The following RBFOX1 variants were observed in gnomAD, a reference collection of about 807,000 sequenced individuals.
The protein encoded by RBFOX1 is RNA binding fox-1 homolog 1, also known as RNA binding protein fox-1 homolog 1.
RBFOX1 carries 8 observed loss-of-function variants against 57.7 expected under a neutral mutation model. That is an observed-to-expected ratio of 0.14 (90% CI 0.08 to 0.25). The LOEUF (loss-of-function observed/expected upper bound fraction) is 0.25, where lower values mean the gene tolerates loss of function less well. Among genes scored for constraint, RBFOX1 ranks in the 10% least tolerant of loss-of-function variants. The pLI, the probability that RBFOX1 is intolerant of heterozygous loss-of-function variation, is 1.00. For missense variants in RBFOX1, 611 were observed against 548.5 expected, an observed-to-expected ratio of 1.11 and a Z score of -1.14; for synonymous variants, 326 against 222.4, an observed-to-expected ratio of 1.47 and a Z score of -4.15.
intron 3 of RBFOX1, among the ~76,000 whole-genome samples, chr16:5,772,343 C>T (rs186599431): frequency 1.3e-5 from 2 of 148,836 alleles, no homozygotes; most frequent in Admixed American, 6.6e-5. Flanking sequence ...AACATCTTCC[C>T]ATGTGCTTTT....
intron 3 of RBFOX1, among the ~76,000 whole-genome samples, chr16:6,823,598 T>G (rs1210599905): frequency 2.0e-5 from 3 of 152,180 alleles, no homozygotes; most frequent in Non-Finnish European, 4.4e-5. Flanking sequence ...ATCTTCTTCC[T>G]TCCTTGAATA....
intron 4 of RBFOX1, among the ~76,000 whole-genome samples, chr16:5,958,747 A>T (rs1256193950): frequency 6.6e-6 from 1 of 152,180 alleles, no homozygotes; most frequent in East Asian, 1.9e-4. Context: ...GAGATAATCT[A>T]TTCCTTGCCT....
At chr16:5,251,534 G>T (rs1251769055) in intron 1 of RBFOX1, among the ~76,000 whole-genome samples, 1 of 152,210 alleles carries the variant, frequency 6.6e-6, no homozygotes, top group African/African-American at 2.4e-5. Flanking sequence ...AGAGACTGGG[G>T]CAATGGCAGC....
intron 3 of RBFOX1, among the ~76,000 whole-genome samples, chr16:5,681,928 A>C (rs1197358732): frequency 2.0e-5 from 3 of 152,148 alleles, no homozygotes; most frequent in Non-Finnish European, 2.9e-5. Context: ...CTTGAAGACC[A>C]TTGTAAGCAG....
intron 1 of RBFOX1, among the ~76,000 whole-genome samples, chr16:5,440,767 G>C (rs1006300625): frequency 2.0e-5 from 3 of 152,248 alleles, no homozygotes; most frequent in South Asian, 2.1e-4. Flanking sequence ...AAATTCAAGG[G>C]TAGTTATTTG....
chr16:7,475,610 C>T (rs1234158798), intron 4 of RBFOX1, among the ~76,000 whole-genome samples: 1 of 151,644 alleles, frequency 6.6e-6, no homozygotes, highest in Non-Finnish European at 1.5e-5. Context: ...ACACACCCAG[C>T]TAGGATGGGC....
intron 1 of RBFOX1, among the ~76,000 whole-genome samples, chr16:6,190,213 A>G (rs2097133113): frequency 6.6e-6 from 1 of 152,220 alleles, no homozygotes; most frequent in Non-Finnish European, 1.5e-5. Flanking sequence ...AAATCAATGA[A>G]TGAATGAAGG....
At chr16:5,242,117 GAA>G (rs751888010) in intron 1 of RBFOX1, among the ~76,000 whole-genome samples, 41 of 150,982 alleles carry the variant, frequency 2.7e-4, no homozygotes, top group Non-Finnish European at 5.6e-4. Context: ...CTGTTTCAAG[GAA>G]AAGAGAGAGA....
intron 5 of RBFOX1, among the ~76,000 whole-genome samples, chr16:7,569,541 C>T (rs1017399892): frequency 5.9e-5 from 9 of 152,268 alleles, no homozygotes; most frequent in African/African-American, 2.2e-4. Flanking sequence ...CACAGGTAAT[C>T]CAGGATAATC....
At chr16:7,556,803 A>T (rs2088647857) in intron 5 of RBFOX1, among the ~76,000 whole-genome samples, 1 of 152,228 alleles carries the variant, frequency 6.6e-6, no homozygotes, top group African/African-American at 2.4e-5. Flanking sequence ...GTGCAATGGT[A>T]TGCACTGCTG....
At chr16:5,803,773 C>T (rs777880382) in intron 3 of RBFOX1, among the ~76,000 whole-genome samples, 2 of 152,166 alleles carry the variant, frequency 1.3e-5, no homozygotes, top group Non-Finnish European at 2.9e-5. Flanking sequence ...TCTATTATCT[C>T]ATGCTCTACT....
chr16:5,261,233 C>G (rs1450820728), intron 1 of RBFOX1, among the ~76,000 whole-genome samples: 1 of 152,162 alleles, frequency 6.6e-6, no homozygotes, highest in Non-Finnish European at 1.5e-5. Flanking sequence ...TTAAGGTTGA[C>G]CACCTTTTCT....
intron 4 of RBFOX1, among the ~76,000 whole-genome samples, chr16:7,298,830 G>T (rs200680827): frequency 6.6e-6 from 1 of 152,264 alleles, no homozygotes; most frequent in South Asian, 2.1e-4. Flanking sequence ...CATTTTACAT[G>T]AGGTAGGCTG....
chr16:5,722,120 G>T (rs762807358), intron 3 of RBFOX1, among the ~76,000 whole-genome samples: 2 of 152,188 alleles, frequency 1.3e-5, no homozygotes, highest in Non-Finnish European at 2.9e-5. Flanking sequence ...CTGACATCCT[G>T]TCTTTCCCAC....
intron 4 of RBFOX1, among the ~76,000 whole-genome samples, chr16:7,109,627 C>T (rs567663983): frequency 6.6e-6 from 1 of 152,102 alleles, no homozygotes; most frequent in African/African-American, 2.4e-5. Flanking sequence ...GGGGAAAGGG[C>T]TCTAAGAGTA....
At chr16:7,497,165 A>C (rs1484308654) in intron 4 of RBFOX1, among the ~76,000 whole-genome samples, 1 of 152,204 alleles carries the variant, frequency 6.6e-6, no homozygotes, top group Non-Finnish European at 1.5e-5. Context: ...TAAAGGATCA[A>C]ATACAAACTA....
At chr16:6,761,870 T>G (rs12918703) in intron 3 of RBFOX1, among the ~76,000 whole-genome samples, 55,232 of 151,728 alleles carry the variant, frequency 0.36, 11,892 homozygotes, top group Non-Finnish European at 0.48. Context: ...CATCTCTCAT[T>G]CCAAGCAGGT....
chr16:7,114,738 G>C (rs1030040406), intron 4 of RBFOX1, among the ~76,000 whole-genome samples: 2 of 152,160 alleles, frequency 1.3e-5, no homozygotes, highest in African/African-American at 4.8e-5. Context: ...GTCCTGCTAG[G>C]TGCATGGAAA....
At chr16:6,986,486 A>T (rs1203025178) in intron 3 of RBFOX1, among the ~76,000 whole-genome samples, 1 of 152,150 alleles carries the variant, frequency 6.6e-6, no homozygotes, top group African/African-American at 2.4e-5. Flanking sequence ...GGCGTGAGCC[A>T]CCACGTCCAG....
Sources: gnomAD v4.1 joint callset for allele counts (sites outside exome capture counted in the v4.1 genomes callset) on GRCh38, gnomAD v4.1.1 for gene constraint, MANE v1.5 for transcripts, NCBI Gene and HGNC (gene_info 2026-07-23, HGNC 2026-07-21) for gene names.